Variants in PCDH17 observed in about 807,000 individuals in gnomAD.
The protein encoded by PCDH17 is protocadherin-17.
PCDH17 carries 21 observed loss-of-function variants against 67.7 expected under a neutral mutation model. That is an observed-to-expected ratio of 0.31 (90% CI 0.22 to 0.45). The LOEUF is 0.45. Among genes scored for constraint, PCDH17 ranks in the 20% least tolerant of loss-of-function variants. The pLI, the probability that PCDH17 is intolerant of heterozygous loss-of-function variation, is 1.00. For missense variants in PCDH17, 1,471 were observed against 1,564.8 expected, an observed-to-expected ratio of 0.94 and a Z score of 1.01; for synonymous variants, 701 against 656.7, an observed-to-expected ratio of 1.07 and a Z score of -1.03.
rs1200910053 is a variant in PCDH17, at chr13:57,706,145, A to G, written c.2798-18467A>G. ...TGAAAAAAAAGCAAAAATAGTGATT[A>G]ATTTGTAGACATTTTAAGAAAATAT... On this transcript the variant is annotated intron_variant, in intron 3 of 3. Transcript: ENST00000377918. Among the ~76,000 whole-genome samples, 3 of 152,306 alleles carry G rather than the reference A, an allele frequency of 2.0e-5. No homozygotes were observed. The East Asian group carries it at 5.8e-4, about 29-fold the overall frequency.
chr13:57,630,570 A>G (rs185639751), upstream of PCDH17, among the ~76,000 whole-genome samples: 357 of 152,292 alleles, frequency 2.3e-3, 2 homozygotes, highest in Admixed American at 3.3e-3. Flanking sequence ...TTTAAAAAAA[A>G]TAAACAAAAT....
chr13:57,633,393 A>C lies in PCDH17; in HGVS notation c.847A>C (p.Ser283Arg). Residue 283 changes from serine (S) to arginine (R), a missense_variant, in exon 1 of 4, where the codon AGC (serine) becomes CGC (arginine). Ser to Arg is a moderately radical substitution (Grantham distance 110, BLOSUM62 -1). Around this residue, in one of 3 missense-constraint regions of PCDH17, gnomAD observed 1,163 missense variants for 1,230.0 expected, o/e 0.95. Transcript: ENST00000377918. This position sits in a 1 kb window ranked among gnomAD's most constrained non-coding sequence, Gnocchi z 6.2. The part of the protein sequence containing the change: ...GPNGEVLYSF[S>R]SYVPDRVREL... ...CAATGGTGAAGTGCTCTACTCTTTC[A>C]GCAGCTACGTGCCTGACCGCGTGCG... The C allele has an allele frequency of 6.2e-7, 1 of 1,613,312 alleles. No individual in the cohort carries two copies. Among genetic ancestry groups the C allele is most frequent in the Non-Finnish European group, 8.5e-7 (1 of 1,180,014 alleles).
chr13:57,648,554 C>T (rs1018618530), intron 1 of PCDH17, among the ~76,000 whole-genome samples: 3 of 151,898 alleles, frequency 2.0e-5, no homozygotes, highest in Non-Finnish European at 4.4e-5. Context: ...TAAATAAAGG[C>T]TTAATGGGCA....
chr13:57,654,476 A>C (rs2138005481), intron 1 of PCDH17, among the ~76,000 whole-genome samples: 1 of 151,644 alleles, frequency 6.6e-6, no homozygotes, highest in Non-Finnish European at 1.5e-5. Flanking sequence ...TAACAAAATC[A>C]AAATGATTGT....
In PCDH17 at chr13:57,633,793, A is replaced by C; in HGVS notation, c.1247A>C (p.Glu416Ala). 1 of 1,607,824 alleles carries C rather than the reference A, an allele frequency of 6.2e-7. No homozygotes were observed. The highest frequency in any genetic ancestry group is 8.5e-7 in the Non-Finnish European group (1 of 1,179,086). Residue 416 changes from glutamate (E) to alanine (A), a missense_variant, in exon 1 of 4, where the codon GAG becomes GCG. Glu to Ala is a moderately radical substitution (Grantham distance 107). Coordinates refer to ENST00000377918, the MANE Select transcript of PCDH17 (RefSeq NM_001040429.3). The surrounding 1 kb of genome is among the most constrained non-coding windows in gnomAD (Gnocchi z 6.2). The part of the protein sequence containing the change: ...PGGSVPFKLE[E>A]NYDNFYTVVT... The stretch of plus-strand genomic sequence containing the variant: ...GGTTCCGTCCCCTTCAAGCTTGAGG[A>C]GAACTACGACAACTTCTACACGGTG...
At chr13:57,663,409 A>G (rs1356359270) in intron 1 of PCDH17, among the ~76,000 whole-genome samples, 1 of 152,130 alleles carries the variant, frequency 6.6e-6, no homozygotes, top group Non-Finnish European at 1.5e-5. Flanking sequence ...GTAAAACTCA[A>G]TTTTTAGAGT....
At chr13:57,717,951 A>G (rs902724944) in intron 3 of PCDH17, among the ~76,000 whole-genome samples, 3 of 151,956 alleles carry the variant, frequency 2.0e-5, no homozygotes, top group Admixed American at 6.6e-5. Context: ...ATTTTTCCTC[A>G]TTATATCACT....
At chr13:57,651,356 GTTTT>G (rs67207232) in intron 1 of PCDH17, among the ~76,000 whole-genome samples, 7 of 84,096 alleles carry the variant, frequency 8.3e-5, no homozygotes, top group Middle Eastern at 7.9e-3. Flanking sequence ...TTTAATTGAG[GTTTT>G]TTTTTTTTTT....
At chr13:57,648,778 C>T (rs1164504520) in intron 1 of PCDH17, among the ~76,000 whole-genome samples, 4 of 151,824 alleles carry the variant, frequency 2.6e-5, no homozygotes, top group Non-Finnish European at 4.4e-5. Context: ...AAATCACGTA[C>T]CATGATATAA....
intron 1 of PCDH17, among the ~76,000 whole-genome samples, chr13:57,665,252 A>G (rs1022420110): frequency 7.8e-5 from 4 of 51,234 alleles, no homozygotes; most frequent in South Asian, 1.9e-3. Flanking sequence ...CAAATAAACT[A>G]TCATTCTTTA....
chr13:57,650,303 A>G (rs1955020432), intron 1 of PCDH17, among the ~76,000 whole-genome samples: 1 of 149,500 alleles, frequency 6.7e-6, no homozygotes, highest in South Asian at 2.2e-4. Context: ...CACTGAGACC[A>G]CGTGCCTGTA....
intron 1 of PCDH17, among the ~76,000 whole-genome samples, chr13:57,645,306 G>A (rs1954951472): frequency 6.6e-6 from 1 of 151,624 alleles, no homozygotes; most frequent in Non-Finnish European, 1.5e-5. Flanking sequence ...TTGAAATAAT[G>A]TAGCAGTTTC....
At chr13:57,641,432 A>T (rs1954891456) in intron 1 of PCDH17, among the ~76,000 whole-genome samples, 1 of 150,294 alleles carries the variant, frequency 6.7e-6, no homozygotes, top group South Asian at 2.1e-4. Context: ...AAGAAAAAAA[A>T]CACGCAAAAA....
chr13:57,634,107 A>G lies in PCDH17; in HGVS notation c.1561A>G (p.Ile521Val), dbSNP rs368767010. The G allele has an allele frequency of 3.6e-5, 58 of 1,613,316 alleles. No homozygotes were observed. Among genetic ancestry groups the G allele is most frequent in the African/African-American group, 8.0e-5 (6 of 74,842 alleles). ...ILPSHIGDVS[I>V]YTYVSVNPTN... is the part of the protein sequence containing the mutation. ...GCCCTCGCACATCGGCGACGTGTCTATCTACACCTATGTGTCTGTGAATCC... is the reference window on the plus strand; with the variant it reads ...GCCCTCGCACATCGGCGACGTGTCTGTCTACACCTATGTGTCTGTGAATCC... Residue 521 changes from isoleucine to valine, a missense_variant, in exon 1 of 4, where the codon ATC becomes GTC. Physicochemically the swap from Ile to Val is conservative, Grantham distance 29 (BLOSUM62 3). Around this residue, in one of 3 missense-constraint regions of PCDH17, gnomAD observed 1,163 missense variants for 1,230.0 expected, o/e 0.95. Transcript: ENST00000377918. This position sits in a 1 kb window ranked among gnomAD's most constrained non-coding sequence, Gnocchi z 7.8.
At chr13:57,663,346 T>G (rs1235890245) in intron 1 of PCDH17, among the ~76,000 whole-genome samples, 3 of 152,152 alleles carry the variant, frequency 2.0e-5, no homozygotes, top group Non-Finnish European at 4.4e-5. Context: ...ATGTCTGACC[T>G]CAAATTCTAC....
Position 57,633,100 on chromosome 13 carries a change from C to A in PCDH17, c.554C>A (p.Ser185Tyr), listed in dbSNP as rs1954752789. ...GGCCTCTTTGGACTGGACGTTAAGT[C>A]CCGCGGCGACGGCACCAAGTTCCCA... ...DHGLFGLDVKSRGDGTKFPEL... is the reference protein window; with the variant it reads ...DHGLFGLDVKYRGDGTKFPEL... The change falls in exon 1 of 4, where the codon TCC becomes TAC. Residue 185 changes from serine to tyrosine, a missense_variant. Physicochemically the swap from Ser to Tyr is moderately radical, Grantham distance 144. Around this residue, in one of 3 missense-constraint regions of PCDH17, gnomAD observed 1,163 missense variants for 1,230.0 expected, o/e 0.95. Coordinates refer to ENST00000377918, the MANE Select transcript of PCDH17 (RefSeq NM_001040429.3). The surrounding 1 kb of genome is among the most constrained non-coding windows in gnomAD (Gnocchi z 6.2). 6.2e-7 allele frequency: 1 copy of A among 1,613,418 alleles called. No homozygotes were observed. The highest frequency in any genetic ancestry group is 8.5e-7 in the Non-Finnish European group (1 of 1,179,950).
At chr13:57,673,537 T>A (rs1301215474) in intron 3 of PCDH17, among the ~76,000 whole-genome samples, 1 of 151,952 alleles carries the variant, frequency 6.6e-6, no homozygotes, top group African/African-American at 2.4e-5. Context: ...ACTGAGTCCC[T>A]CCTTGTAGTG....
intron 3 of PCDH17, among the ~76,000 whole-genome samples, chr13:57,688,975 T>G (rs1297158510): frequency 6.6e-6 from 1 of 152,056 alleles, no homozygotes; most frequent in Non-Finnish European, 1.5e-5. Context: ...ACCAATCATT[T>G]TCTTAGTATA....
intron 3 of PCDH17, among the ~76,000 whole-genome samples, chr13:57,708,104 T>C (rs1424876742): frequency 1.3e-5 from 2 of 152,092 alleles, no homozygotes; most frequent in African/African-American, 4.8e-5. Flanking sequence ...TTTATGTGAC[T>C]CTGCTTATAT....
Sources: allele counts gnomAD v4.1 joint callset (sites outside exome capture counted in the v4.1 genomes callset), GRCh38; gene constraint gnomAD v4.1.1; regional missense constraint gnomAD v4.1.1; non-coding constraint Gnocchi (gnomAD v3.1); transcripts MANE v1.5; gene names NCBI Gene and HGNC (gene_info 2026-07-23, HGNC 2026-07-21).